The following BOLL variants were observed in gnomAD, a reference collection of about 807,000 sequenced individuals.
BOLL encodes boule RNA binding protein, also known as protein boule-like.
Under a neutral mutation model 44.4 loss-of-function variants are expected in BOLL, and 23 were observed. That is an observed-to-expected ratio of 0.52 (90% CI 0.37 to 0.73). BOLL has a LOEUF of 0.73. Among genes scored for constraint, BOLL ranks in the 30% least tolerant of loss-of-function variants. The probability of loss-of-function intolerance (pLI) is 0.00; values close to 1 mark genes in which losing one functional copy is unlikely to be tolerated. For missense variants in BOLL, 287 were observed against 338.3 expected (o/e 0.85, Z 1.19); for synonymous variants, 97 against 110.8 (o/e 0.88, Z 0.78).
intron 5 of BOLL, among the ~76,000 whole-genome samples, chr2:197,773,797 A>G (rs1426087898): frequency 1.3e-5 from 2 of 151,906 alleles, no homozygotes; most frequent in South Asian, 2.1e-4. Flanking sequence ...CTTTTGAAAG[A>G]TCACTCTGGC....
intron 10 of BOLL, among the ~76,000 whole-genome samples, chr2:197,732,225 T>C (rs1388328523): frequency 3.3e-5 from 5 of 151,354 alleles, no homozygotes; most frequent in Admixed American, 3.3e-4. Flanking sequence ...ATGGATAAAT[T>C]TCTCGACACA....
chr2:197,775,043 G>A (rs969259213), intron 5 of BOLL, among the ~76,000 whole-genome samples: 1 of 151,804 alleles, frequency 6.6e-6, no homozygotes, highest in African/African-American at 2.4e-5. Context: ...GCCAAAGACT[G>A]TTAGGAATTT....
At chr2:197,741,384 G>A (rs1687724364) in intron 10 of BOLL, among the ~76,000 whole-genome samples, 1 of 152,084 alleles carries the variant, frequency 6.6e-6, no homozygotes, top group Non-Finnish European at 1.5e-5. Context: ...ATTTTGGGCT[G>A]AGACAATGGG....
At chr2:197,740,694 A>T (rs1245458548) in intron 10 of BOLL, among the ~76,000 whole-genome samples, 1 of 152,176 alleles carries the variant, frequency 6.6e-6, no homozygotes, top group African/African-American at 2.4e-5. Flanking sequence ...ATTCATATAG[A>T]TAGAAAGTAA....
chr2:197,741,018 A>G (rs1687705675), intron 10 of BOLL, among the ~76,000 whole-genome samples: 1 of 152,160 alleles, frequency 6.6e-6, no homozygotes, highest in African/African-American at 2.4e-5. Flanking sequence ...TTCTGTGAAG[A>G]AAGCCATTGG....
chr2:197,771,825 G>A, intron 6 of BOLL, 30 bp downstream of exon 6: 2 of 1,515,520 alleles, frequency 1.3e-6, no homozygotes, highest in Non-Finnish European at 8.9e-7. Context: ...AGTAATAGAT[G>A]GAAATCCTTT....
At chr2:197,781,997 T>A in intron 1 of BOLL, 132 bp from the exon 2 acceptor site, 1 of 644,462 alleles carries the variant, frequency 1.6e-6, no homozygotes, top group Non-Finnish European at 2.3e-6. Context: ...GCTTTACTTT[T>A]AATATTATAA....
chr2:197,758,898 A>C (rs1490881139), intron 7 of BOLL: 1 of 1,499,118 alleles, frequency 6.7e-7, no homozygotes, highest in Non-Finnish European at 9.0e-7. Context: ...ATTATTGCTA[A>C]AGACTTTTTA....
intron 4 of BOLL, 115 bp downstream of exon 4, chr2:197,776,944 C>T: frequency 1.3e-6 from 1 of 774,604 alleles, no homozygotes; most frequent in Non-Finnish European, 2.0e-6. Context: ...CAATGCCAAT[C>T]TTAAGATGCA....
At chr2:197,732,414 T>G (rs1328336564) in intron 10 of BOLL, among the ~76,000 whole-genome samples, 7 of 152,180 alleles carry the variant, frequency 4.6e-5, no homozygotes, top group Non-Finnish European at 7.3e-5. Flanking sequence ...CTTCTGAAAC[T>G]ATTCCAATCA....
intron 9 of BOLL, among the ~76,000 whole-genome samples, chr2:197,753,027 A>G (rs1688336058): frequency 6.6e-6 from 1 of 152,232 alleles, no homozygotes; most frequent in African/African-American, 2.4e-5. Context: ...GATCTTTGAC[A>G]AACCTGACTA....
At chr2:197,763,055 A>G (rs1688830774) in intron 7 of BOLL, among the ~76,000 whole-genome samples, 1 of 152,206 alleles carries the variant, frequency 6.6e-6, no homozygotes, top group African/African-American at 2.4e-5. Flanking sequence ...TGAATACCAC[A>G]GAAATACAAA....
chr2:197,785,485 G>A (rs1690034329), upstream of BOLL: 4 of 727,032 alleles, frequency 5.5e-6, no homozygotes, highest in Non-Finnish European at 6.8e-6. The surrounding 1 kb of genome is among the most constrained non-coding windows in gnomAD (Gnocchi z 6.7). Flanking sequence ...TAGAGTGTCC[G>A]GGTCCCGCCT....
chr2:197,758,587 G>C (rs1240995693), intron 7 of BOLL, among the ~76,000 whole-genome samples: 1 of 152,174 alleles, frequency 6.6e-6, no homozygotes, highest in Non-Finnish European at 1.5e-5. Flanking sequence ...ATGTGGCTGT[G>C]TTCCAATAAT....
In BOLL at chr2:197,771,926, G is replaced by C. The variant is rs779934078; in HGVS notation, c.409C>G (p.Pro137Ala). Residue 137 changes from proline to alanine, a missense_variant, in exon 6 of 11, where the codon CCT becomes GCT. Pro to Ala is a conservative substitution (Grantham distance 27, BLOSUM62 -1). Transcript: ENST00000392296. ...GCAACACCATTATGGTAAGTATAAG[G>C]ATATCCAGTTGAAGTTGTTAGATAC... ...TMYLTTSTGY[P>A]YTYHNGVAYF... The C allele has an allele frequency of 6.3e-7, 1 of 1,597,590 alleles. No homozygotes were observed. Among genetic ancestry groups the C allele is most frequent in the South Asian group, 1.1e-5 (1 of 88,614 alleles).
intron 5 of BOLL, among the ~76,000 whole-genome samples, chr2:197,773,627 G>A (rs1221326071): frequency 6.6e-6 from 1 of 151,896 alleles, no homozygotes; most frequent in African/African-American, 2.4e-5. Context: ...GAATGAATTG[G>A]ATGGCAAAGT....
At chr2:197,775,441 G>T (rs528830919) in intron 5 of BOLL, among the ~76,000 whole-genome samples, 1 of 151,164 alleles carries the variant, frequency 6.6e-6, no homozygotes, top group African/African-American at 2.4e-5. Flanking sequence ...GTAACTACAT[G>T]GAATATACTT....
chr2:197,754,134 CAG>C (rs1384049059), intron 9 of BOLL, among the ~76,000 whole-genome samples: 1 of 151,974 alleles, frequency 6.6e-6, no homozygotes, highest in Admixed American at 6.6e-5. Context: ...CAGGGCCTGT[CAG>C]GGGGTCGGGG....
rs548973159 is a variant in BOLL at position 197,769,361 on chromosome 2, G to T, written c.480+2494C>A. Among the ~76,000 whole-genome samples, 328 of 152,172 alleles carry T rather than the reference G, an allele frequency of 2.2e-3. 1 individual carries two copies. Among genetic ancestry groups the T allele is most frequent in the African/African-American group, 7.5e-3 (311 of 41,524 alleles). ...AGAGCCTGTTATTGGCCTATTCAGAGATTCAACTTCTTCCTGGTTTAGTCT... is the reference window on the plus strand; with the variant it reads ...AGAGCCTGTTATTGGCCTATTCAGATATTCAACTTCTTCCTGGTTTAGTCT... On this transcript the variant is annotated intron_variant, in intron 6 of 10. Transcript: ENST00000392296.
Sources: allele counts gnomAD v4.1 joint callset (sites outside exome capture counted in the v4.1 genomes callset), GRCh38; gene constraint gnomAD v4.1.1; non-coding constraint Gnocchi (gnomAD v3.1); transcripts MANE v1.5; gene names NCBI Gene and HGNC (gene_info 2026-07-23, HGNC 2026-07-21).